ATP11B: variants seen among roughly 807,000 people sequenced by gnomAD.
ATP11B encodes ATPase phospholipid transporting 11B (putative), also known as phospholipid-transporting ATPase IF.
A neutral mutation model predicts 157.8 loss-of-function variants in ATP11B; 81 were observed. That is an observed-to-expected ratio of 0.51 (90% CI 0.43 to 0.62). ATP11B has a LOEUF of 0.62. ATP11B is among the 20% of genes least tolerant of loss of function. ATP11B has a pLI of 0.00. For missense variants in ATP11B, 1,165 were observed against 1,402.2 expected (o/e 0.83, Z 2.70); for synonymous variants, 451 against 469.4 (o/e 0.96, Z 0.51).
chr3:182,854,142 G>A (rs753737863), intron 10 of ATP11B, among the ~76,000 whole-genome samples: 8 of 152,160 alleles, frequency 5.3e-5, no homozygotes, highest in Non-Finnish European at 1.5e-5. Context: ...TTGAAAACAA[G>A]TCATAGACCT....
chr3:182,850,550 T>A (rs1719894481), intron 10 of ATP11B, among the ~76,000 whole-genome samples: 1 of 152,034 alleles, frequency 6.6e-6, no homozygotes, highest in Non-Finnish European at 1.5e-5. Context: ...ATGGCTATTA[T>A]TAAAAAGACA....
At chr3:182,872,653 C>A in intron 18 of ATP11B, 116 bp downstream of exon 18, 1 of 962,174 alleles carries the variant, frequency 1.0e-6, no homozygotes. Context: ...TATTTAAGAT[C>A]AAAGTAGAGA....
At chr3:182,891,155 T>C (rs1346620264) in intron 25 of ATP11B, among the ~76,000 whole-genome samples, 1 of 152,200 alleles carries the variant, frequency 6.6e-6, no homozygotes, top group African/African-American at 2.4e-5. Context: ...TATAGACATA[T>C]GAGTGAGTAT....
At chr3:182,875,213 T>A (rs2108553168) in intron 19 of ATP11B, among the ~76,000 whole-genome samples, 1 of 152,230 alleles carries the variant, frequency 6.6e-6, no homozygotes, top group South Asian at 2.1e-4. Flanking sequence ...GCATATTAGG[T>A]CTCCTGCAGG....
At chr3:182,878,647 A>G (rs1251013492) in intron 19 of ATP11B, among the ~76,000 whole-genome samples, 1 of 152,216 alleles carries the variant, frequency 6.6e-6, no homozygotes, top group South Asian at 2.1e-4. Flanking sequence ...AGTAGCACCT[A>G]CGTAGCATAT....
chr3:182,874,592 C>G (rs1050226649), intron 19 of ATP11B, among the ~76,000 whole-genome samples: 4 of 152,090 alleles, frequency 2.6e-5, no homozygotes, highest in Non-Finnish European at 2.9e-5. Flanking sequence ...GATATGTTAG[C>G]TGTGCTACCT....
chr3:182,805,310 A>G (rs1416038521), intron 1 of ATP11B, among the ~76,000 whole-genome samples: 1 of 152,182 alleles, frequency 6.6e-6, no homozygotes, highest in Non-Finnish European at 1.5e-5. Flanking sequence ...CTTTTTGATT[A>G]TAGTCATCCT....
intron 1 of ATP11B, among the ~76,000 whole-genome samples, chr3:182,810,009 T>C (rs1716554056): frequency 6.6e-6 from 1 of 152,178 alleles, no homozygotes; most frequent in Non-Finnish European, 1.5e-5. Context: ...GAGCTGCTTT[T>C]TGAAATAACT....
chr3:182,819,076 T>C (rs929765356), intron 1 of ATP11B, among the ~76,000 whole-genome samples: 3 of 66,814 alleles, frequency 4.5e-5, no homozygotes, highest in Non-Finnish European at 9.6e-5. Context: ...TTTTCTAATA[T>C]TTCTTTTTTT....
chr3:182,914,901 C>T (rs1331583765), intron 29 of ATP11B: 12 of 985,168 alleles, frequency 1.2e-5, no homozygotes, highest in African/African-American at 1.7e-5. Flanking sequence ...CAGCAGTACA[C>T]GGTATGCATG....
intron 15 of ATP11B, 54 bp downstream of exon 15, chr3:182,867,498 G>A: frequency 8.4e-7 from 1 of 1,194,886 alleles, no homozygotes; most frequent in South Asian, 1.3e-5. Context: ...ATATAGTATA[G>A]AATAAGGATC....
At chr3:182,799,778 C>CT (rs1479796000) in intron 1 of ATP11B, among the ~76,000 whole-genome samples, 3 of 151,914 alleles carry the variant, frequency 2.0e-5, no homozygotes, top group African/African-American at 2.4e-5. Context: ...CTTTATTTTG[C>CT]TTTTTTTCCT....
In ATP11B at chr3:182,872,428, A is replaced by G; in HGVS notation, c.1939A>G (p.Ile647Val). 1 of 1,614,108 alleles carries G rather than the reference A, an allele frequency of 6.2e-7. No individual in the cohort carries two copies. The highest frequency in any genetic ancestry group is 1.1e-5 in the South Asian group (1 of 91,088). The change falls in exon 18 of 30, where the codon ATA (isoleucine) becomes GTA (valine). Residue 647 changes from isoleucine (I) to valine (V), a missense_variant. Physicochemically the swap from Ile to Val is conservative, Grantham distance 29. Around this residue, in one of 4 missense-constraint regions of ATP11B, gnomAD observed 737 missense variants for 930.5 expected, o/e 0.79. Coordinates refer to ENST00000323116, the MANE Select transcript of ATP11B (RefSeq NM_014616.3). ...SKEYEEIDKR[I>V]FEARTALQQR... ...AGAGTATGAGGAAATAGATAAACGC[A>G]TATTTGAAGCCAGGACTGCCTTGCA...
Position 182,897,356 on chromosome 3 carries a change from A to T in ATP11B, c.3102A>T (p.Gly1034=). ...WTWINHLVTW[G]SIIFYFVFSL... is the part of the protein sequence containing the mutation. ...GGATCAACCATCTCGTTACCTGGGGATCTATTATATTTTATTTTGTATTTT... is the reference window on the plus strand; with the variant it reads ...GGATCAACCATCTCGTTACCTGGGGTTCTATTATATTTTATTTTGTATTTT... The change falls in exon 27 of 30, where the codon GGA becomes GGT. Residue 1034 remains glycine, a synonymous_variant. Transcript: ENST00000323116. 1 of 1,590,834 alleles carries T rather than the reference A, an allele frequency of 6.3e-7. No individual in the cohort carries two copies. Among genetic ancestry groups the T allele is most frequent in the Non-Finnish European group, 8.5e-7 (1 of 1,173,226 alleles).
chr3:182,855,497 A>G (rs957037123), intron 10 of ATP11B, among the ~76,000 whole-genome samples: 1 of 152,192 alleles, frequency 6.6e-6, no homozygotes, highest in Admixed American at 6.5e-5. Context: ...CACTAAAAGC[A>G]TAATTCCTAA....
At chr3:182,909,179 T>A (rs906051783) in intron 28 of ATP11B, among the ~76,000 whole-genome samples, 2 of 152,188 alleles carry the variant, frequency 1.3e-5, no homozygotes, top group East Asian at 1.9e-4. Context: ...ATAAGAAATG[T>A]CTTAGTGTTT....
chr3:182,799,281 C>CTTTT (rs11349038), intron 1 of ATP11B, among the ~76,000 whole-genome samples: 4 of 147,334 alleles, frequency 2.7e-5, no homozygotes, highest in South Asian at 2.1e-4. Context: ...TTCTTTCTTT[C>CTTTT]TTTTTTTTTT....
chr3:182,847,032 T>C (rs1040489320), intron 9 of ATP11B, among the ~76,000 whole-genome samples: 2 of 151,250 alleles, frequency 1.3e-5, no homozygotes, highest in Non-Finnish European at 1.5e-5. Flanking sequence ...TCCTCTAATA[T>C]AACACTGTAC....
chr3:182,841,606 A>G (rs938784283), intron 7 of ATP11B, among the ~76,000 whole-genome samples: 6 of 152,160 alleles, frequency 3.9e-5, no homozygotes, highest in Non-Finnish European at 8.8e-5. Flanking sequence ...TTAAGGACTG[A>G]TAAGTGTTTT....
Sources: gnomAD v4.1 joint callset for allele counts (sites outside exome capture counted in the v4.1 genomes callset) on GRCh38, gnomAD v4.1.1 for gene constraint, gnomAD v4.1.1 regional missense constraint, MANE v1.5 for transcripts, NCBI Gene and HGNC (gene_info 2026-07-23, HGNC 2026-07-21) for gene names.